The following CHL1 variants were observed in gnomAD, a reference collection of about 807,000 sequenced individuals.
CHL1 encodes the protein cell adhesion molecule L1 like.
CHL1 carries 96 observed loss-of-function variants against 141.9 expected under a neutral mutation model. The observed-to-expected ratio is 0.68, with a 90% CI of 0.57 to 0.80. The LOEUF (loss-of-function observed/expected upper bound fraction) is 0.80, where lower values mean the gene tolerates loss of function less well. Ranked by LOEUF, CHL1 falls within the 30% of genes least tolerant of loss-of-function variation. The pLI is 0.00. For synonymous variants in CHL1, 613 were observed against 502.2 expected, an observed-to-expected ratio of 1.22 and a Z score of -2.95; for missense variants, 1,820 against 1,457.2, an observed-to-expected ratio of 1.25 and a Z score of -4.05.
chr3:354,227 A>G (rs1703508419), intron 10 of CHL1, among the ~76,000 whole-genome samples: 1 of 152,186 alleles, frequency 6.6e-6, no homozygotes, highest in African/African-American at 2.4e-5. Context: ...TTCTTACAAT[A>G]TAATTCTTGT....
At chr3:255,845 G>C (rs950057279) in intron 2 of CHL1, among the ~76,000 whole-genome samples, 1 of 152,134 alleles carries the variant, frequency 6.6e-6, no homozygotes, top group South Asian at 2.1e-4. Flanking sequence ...TTTGTTTGTC[G>C]TGGTAGTTGC....
chr3:385,234 C>T (rs1445120682), intron 19 of CHL1, among the ~76,000 whole-genome samples: 1 of 152,028 alleles, frequency 6.6e-6, no homozygotes, highest in Non-Finnish European at 1.5e-5. Flanking sequence ...TGTGTATTTG[C>T]CAGTCAGTTC....
rs754513291 is a variant in CHL1, at chr3:363,233, G to A, written c.1435G>A (p.Val479Met). The stretch of plus-strand genomic sequence containing the variant: ...TGTCCATAGGCAGAAGGTGGAAGAA[G>A]TGAAACCCCTGGAGGGCAGGCGGTA... ...AVVSWQKVEE[V>M]KPLEGRRYHI... The change falls in exon 14 of 28, where the codon GTG (valine) becomes ATG (methionine). Residue 479 changes from valine to methionine, a missense_variant. Physicochemically the swap from Val to Met is conservative, Grantham distance 21. Transcript: ENST00000256509. 15 of 1,610,420 alleles carry A rather than the reference G, an allele frequency of 9.3e-6. No individual in the cohort carries two copies. In the Admixed American group the frequency reaches 1.9e-4, roughly 20 times the overall value.
chr3:330,291 A>C (rs998978244), intron 5 of CHL1, among the ~76,000 whole-genome samples: 3 of 152,162 alleles, frequency 2.0e-5, no homozygotes, highest in Admixed American at 6.5e-5. Flanking sequence ...AAGTGATGAC[A>C]GTGAAAACTC....
At chr3:395,470 A>C (rs947590188) in intron 24 of CHL1, among the ~76,000 whole-genome samples, 1 of 152,098 alleles carries the variant, frequency 6.6e-6, no homozygotes, top group South Asian at 2.1e-4. Context: ...CCCAAATTGC[A>C]TCTCCAGTTA....
At chr3:387,258 C>T (rs1410389375) in intron 19 of CHL1, among the ~76,000 whole-genome samples, 1 of 152,184 alleles carries the variant, frequency 6.6e-6, no homozygotes, top group African/African-American at 2.4e-5. Flanking sequence ...TCTAGAGATT[C>T]CTACACCCCA....
chr3:347,852 T>C (rs1039675806), intron 9 of CHL1, among the ~76,000 whole-genome samples: 1 of 152,222 alleles, frequency 6.6e-6, no homozygotes, highest in Non-Finnish European at 1.5e-5. Context: ...GCTCTTAGCC[T>C]GGTAAAATAT....
At chr3:223,344 C>T (rs1335733448) in intron 1 of CHL1, among the ~76,000 whole-genome samples, 1 of 152,124 alleles carries the variant, frequency 6.6e-6, no homozygotes, top group Non-Finnish European at 1.5e-5. Context: ...TAAACATCCT[C>T]TAAATATTAT....
intron 15 of CHL1, among the ~76,000 whole-genome samples, chr3:372,695 T>C (rs1341578754): frequency 2.0e-5 from 3 of 151,094 alleles, no homozygotes; most frequent in Admixed American, 6.6e-5. Context: ...GTTTTTAGCA[T>C]TTTTTTTGTT....
intron 2 of CHL1, among the ~76,000 whole-genome samples, chr3:304,070 G>A (rs1214856629): frequency 2.0e-5 from 3 of 152,122 alleles, no homozygotes; most frequent in African/African-American, 7.2e-5. Flanking sequence ...TCCCAGGTAC[G>A]AAGCCAACTT....
chr3:393,116 C>G (rs1454169235), intron 23 of CHL1, among the ~76,000 whole-genome samples: 4 of 151,308 alleles, frequency 2.6e-5, no homozygotes, highest in African/African-American at 9.7e-5. Context: ...CCCTGTAGTC[C>G]CAGCTACTCG....
chr3:282,575 A>C (rs997427033), intron 2 of CHL1: 1 of 152,132 alleles, frequency 6.6e-6, no homozygotes, highest in Admixed American at 6.5e-5. Flanking sequence ...ATGTCTTATT[A>C]TTATTTTTGT....
chr3:326,442 A>G (rs914053023), intron 4 of CHL1, among the ~76,000 whole-genome samples: 3 of 151,930 alleles, frequency 2.0e-5, no homozygotes, highest in Admixed American at 6.6e-5. Context: ...TTCTATACAT[A>G]TTTATAATTG....
chr3:286,898 G>C (rs753414400), intron 2 of CHL1, among the ~76,000 whole-genome samples: 55 of 152,070 alleles, frequency 3.6e-4, no homozygotes, highest in Non-Finnish European at 4.1e-4. Context: ...GTGCTAATTA[G>C]AATATAATGA....
chr3:199,006 G>A (rs1231773295), intron 1 of CHL1, among the ~76,000 whole-genome samples: 2 of 152,272 alleles, frequency 1.3e-5, no homozygotes, highest in African/African-American at 2.4e-5. Flanking sequence ...TTTTTCTTTT[G>A]TAAATCTTTG....
rs745527877 is a variant in CHL1, at chr3:405,620, G to A, written c.3584G>A (p.Gly1195Glu). Reference sequence around the variant, plus strand: ...GACCATGGTCTCTTCAGTGAAGATGGATCATTTATTGGTGCCTACGCTGGA... The same window carrying A: ...GACCATGGTCTCTTCAGTGAAGATGAATCATTTATTGGTGCCTACGCTGGA... The part of the protein sequence containing the change: ...EGDHGLFSED[G>E]SFIGAYAGSK... The change falls in exon 28 of 28, where the codon GGA becomes GAA. Residue 1195 changes from glycine (G) to glutamate (E), a missense_variant. Transcript: ENST00000256509. The A allele has an allele frequency of 6.2e-7, 1 of 1,613,548 alleles. No individual in the cohort carries two copies. The highest frequency in any genetic ancestry group is 2.2e-5 in the East Asian group (1 of 44,858).
intron 2 of CHL1, among the ~76,000 whole-genome samples, chr3:297,221 G>A (rs896202460): frequency 2.6e-5 from 4 of 151,928 alleles, no homozygotes; most frequent in African/African-American, 7.3e-5. Context: ...GTGAGACCTC[G>A]TCTTAAGAAA....
chr3:316,080 C>A (rs1001397286), intron 2 of CHL1, among the ~76,000 whole-genome samples: 1 of 151,938 alleles, frequency 6.6e-6, no homozygotes, highest in Non-Finnish European at 1.5e-5. Context: ...ACTCTTATTA[C>A]CCTAATCTTA....
intron 3 of CHL1, among the ~76,000 whole-genome samples, chr3:321,532 T>A (rs1012707064): frequency 6.6e-6 from 1 of 152,106 alleles, no homozygotes. Flanking sequence ...GTCTTCCGAA[T>A]AGCAACGAAG....
Sources: gnomAD v4.1 joint callset for allele counts (sites outside exome capture counted in the v4.1 genomes callset) on GRCh38, gnomAD v4.1.1 for gene constraint, MANE v1.5 for transcripts, NCBI Gene and HGNC (gene_info 2026-07-23, HGNC 2026-07-21) for gene names.